CRTC3: variants seen among roughly 807,000 people sequenced by gnomAD.
CRTC3 encodes CREB-regulated transcription coactivator 3.
CRTC3 carries 26 observed loss-of-function variants against 74.5 expected under a neutral mutation model. The observed-to-expected ratio is 0.35, with a 90% CI of 0.26 to 0.48. The LOEUF is 0.48. Among genes scored for constraint, CRTC3 ranks in the 20% least tolerant of loss-of-function variants. CRTC3 has a pLI of 0.99. For synonymous variants in CRTC3, 377 were observed against 325.8 expected (o/e 1.16, Z -1.69); for missense variants, 760 against 787.3 (o/e 0.97, Z 0.41).
intron 2 of CRTC3, among the ~76,000 whole-genome samples, chr15:90,552,056 C>G (rs1966859839): frequency 1.3e-5 from 2 of 152,094 alleles, no homozygotes. Flanking sequence ...GTGGTGTTAA[C>G]TACTTTTCTT....
intron 2 of CRTC3, among the ~76,000 whole-genome samples, chr15:90,558,023 G>A (rs1312394725): frequency 6.6e-6 from 1 of 151,962 alleles, no homozygotes; most frequent in African/African-American, 2.4e-5. Context: ...TAAATTTCTC[G>A]TTGTTCTGCA....
At chr15:90,536,176 G>C (rs1966716201) in intron 1 of CRTC3, among the ~76,000 whole-genome samples, 2 of 152,146 alleles carry the variant, frequency 1.3e-5, no homozygotes, top group South Asian at 4.1e-4. Context: ...CACACTGTCT[G>C]TATATTATAG....
At chr15:90,577,007 A>G (rs1422877027) in intron 2 of CRTC3, among the ~76,000 whole-genome samples, 1 of 148,030 alleles carries the variant, frequency 6.8e-6, no homozygotes, top group Non-Finnish European at 1.5e-5. Flanking sequence ...TTTACGTGGG[A>G]GAGGCTGGGC....
chr15:90,542,749 C>G (rs1410300688), intron 2 of CRTC3, among the ~76,000 whole-genome samples: 1 of 152,196 alleles, frequency 6.6e-6, no homozygotes, highest in Non-Finnish European at 1.5e-5. Flanking sequence ...TCTGGAACAG[C>G]TTTTCAGCCT....
intron 1 of CRTC3, among the ~76,000 whole-genome samples, chr15:90,533,129 C>T (rs1295250191): frequency 3.2e-5 from 4 of 125,060 alleles, no homozygotes; most frequent in East Asian, 5.2e-4. Flanking sequence ...AAAGGCCGGG[C>T]GCGGTGGGTC....
chr15:90,547,440 A>G (rs1966846217), intron 2 of CRTC3, among the ~76,000 whole-genome samples: 1 of 152,236 alleles, frequency 6.6e-6, no homozygotes, highest in Non-Finnish European at 1.5e-5. Context: ...TAAGTGTAGT[A>G]CTATTTTAAT....
intron 6 of CRTC3, 179 bp from the exon 7 acceptor site, chr15:90,614,274 G>A: frequency 1.8e-6 from 1 of 541,820 alleles, no homozygotes. Context: ...TTTCAAATTA[G>A]CTATACCTAT....
intron 2 of CRTC3, among the ~76,000 whole-genome samples, chr15:90,579,571 T>C (rs963481548): frequency 7.2e-5 from 11 of 152,050 alleles, no homozygotes; most frequent in South Asian, 2.1e-4. Flanking sequence ...AGCATTTCTC[T>C]GTAAATTTCA....
chr15:90,567,060 T>C (rs1167914036), intron 2 of CRTC3, among the ~76,000 whole-genome samples: 1 of 152,118 alleles, frequency 6.6e-6, no homozygotes, highest in Non-Finnish European at 1.5e-5. Context: ...AGATGCCATC[T>C]AGGACTTTAA....
At chr15:90,582,011 T>C (rs1305985944) in intron 2 of CRTC3, among the ~76,000 whole-genome samples, 10 of 152,320 alleles carry the variant, frequency 6.6e-5, no homozygotes, top group Non-Finnish European at 1.2e-4. Context: ...AAGGGTGCCT[T>C]TGGCCAGTTG....
chr15:90,541,973 T>C (rs1034738354), intron 2 of CRTC3, among the ~76,000 whole-genome samples: 10 of 151,128 alleles, frequency 6.6e-5, no homozygotes, highest in Non-Finnish European at 1.5e-4. Context: ...TTAGTAGAGA[T>C]GGGGTTTCAC....
At chr15:90,549,695 ATTC>A (rs1257573171) in intron 2 of CRTC3, among the ~76,000 whole-genome samples, 1 of 132,088 alleles carries the variant, frequency 7.6e-6, no homozygotes, top group Non-Finnish European at 1.6e-5. Context: ...ATTTTATTTT[ATTC>A]TTTTTCTTTT....
At chr15:90,581,047 T>C (rs992587547) in intron 2 of CRTC3, among the ~76,000 whole-genome samples, 1 of 152,144 alleles carries the variant, frequency 6.6e-6, no homozygotes. Flanking sequence ...GGAGAACATA[T>C]CAGAAGCATG....
At chr15:90,574,205 G>A (rs1192409547) in intron 2 of CRTC3, among the ~76,000 whole-genome samples, 4 of 152,118 alleles carry the variant, frequency 2.6e-5, no homozygotes, top group South Asian at 2.1e-4. Context: ...TTGGCCGGGC[G>A]TGGTGGCTCA....
intron 2 of CRTC3, among the ~76,000 whole-genome samples, chr15:90,561,456 A>C (rs973015493): frequency 1.7e-4 from 26 of 152,342 alleles, no homozygotes; most frequent in African/African-American, 6.0e-4. Context: ...CCTGAAGTCA[A>C]CCAGGCTGTA....
intron 10 of CRTC3, 89 bp from the exon 11 acceptor site, chr15:90,629,145 A>G: frequency 8.0e-7 from 1 of 1,249,640 alleles, no homozygotes; most frequent in Non-Finnish European, 1.1e-6. Context: ...TCATCATCGC[A>G]TGTGACAGTA....
chr15:90,593,941 T>A, intron 3 of CRTC3, 186 bp downstream of exon 3: 1 of 521,742 alleles, frequency 1.9e-6, no homozygotes, highest in Non-Finnish European at 3.2e-6. Context: ...AACATCATTG[T>A]AGGTGTTTAT....
At position 90,604,220 on chromosome 15, in the gene CRTC3, ATTT is replaced by A. The variant is rs1968157803; in HGVS notation, c.414-163_414-161del. The A allele has an allele frequency of 6.6e-6, 4 of 609,522 alleles. No individual in the cohort carries two copies. The South Asian group carries it at 7.5e-5, about 11-fold the overall frequency. 37.8% of individuals were successfully genotyped at this position (609,522 alleles called of 1,614,324 possible). A position where few individuals can be genotyped will look rare whatever the true frequency, so the allele number is the denominator to read the frequency against. On this transcript the variant is annotated intron_variant, in intron 4 of 14. Coordinates refer to ENST00000268184, the MANE Select transcript of CRTC3 (RefSeq NM_022769.5). Reference sequence around the variant, plus strand: ...TGGAAGGATCATGGAGTCTTACCTCATTTTAACAATGATGAGCAAAATGAGCGA... The same window carrying A: ...TGGAAGGATCATGGAGTCTTACCTCATAACAATGATGAGCAAAATGAGCGA...
chr15:90,622,306 A>G (rs1968678473), intron 9 of CRTC3, among the ~76,000 whole-genome samples: 1 of 152,154 alleles, frequency 6.6e-6, no homozygotes, highest in East Asian at 1.9e-4. Context: ...CTGCAGAGGA[A>G]TTGTGTGAAC....
Sources: allele counts gnomAD v4.1 joint callset (sites outside exome capture counted in the v4.1 genomes callset), GRCh38; gene constraint gnomAD v4.1.1; transcripts MANE v1.5; gene names NCBI Gene and HGNC (gene_info 2026-07-23, HGNC 2026-07-21).